Variants in GLT1D1 observed in about 807,000 individuals in gnomAD.
The protein encoded by GLT1D1 is glycosyltransferase 1 domain-containing protein 1.
In GLT1D1, 21 loss-of-function variants were observed where a neutral mutation model predicts 28.7. That is an observed-to-expected ratio of 0.73 (90% CI 0.52 to 1.05). The LOEUF (loss-of-function observed/expected upper bound fraction) is 1.05. Among genes scored for constraint, GLT1D1 ranks in the 50% least tolerant of loss-of-function variants. The pLI is 0.00. For synonymous variants in GLT1D1, 147 were observed against 124.8 expected (o/e 1.18, Z -1.19); for missense variants, 343 against 330.6 (o/e 1.04, Z -0.29).
Position 128,930,381 on chromosome 12 carries a change from G to T in GLT1D1, c.376-14945G>T, listed in dbSNP as rs950902653. On this transcript the variant is annotated intron_variant, in intron 4 of 7. Coordinates refer to ENST00000281703, the MANE Select transcript of GLT1D1 (RefSeq NM_144669.3). ...TCTTTTTCATTGTTTTCATTCTGAT[G>T]ATCACATCTCAGGTACAGTGCTTGA... 6 of 152,192 alleles carry T rather than the reference G, an allele frequency of 3.9e-5. No homozygotes were observed. In the East Asian group the frequency reaches 9.6e-4, roughly 24 times the overall value. The allele number at this position is 152,192 out of a possible 1,614,324, so 9.4% of individuals were successfully genotyped here.
chr12:128,928,965 T>C (rs1484180831), intron 4 of GLT1D1, among the ~76,000 whole-genome samples: 3 of 151,984 alleles, frequency 2.0e-5, no homozygotes, highest in Non-Finnish European at 2.9e-5. Context: ...ATGGCCTGAG[T>C]GTGTGCATCC....
At chr12:128,957,496 G>A (rs769438290) in intron 6 of GLT1D1, 49 bp from the exon 11 acceptor site, 5 of 1,289,012 alleles carry the variant, frequency 3.9e-6, no homozygotes, top group Non-Finnish European at 4.5e-6. Flanking sequence ...TTGCCGCAGA[G>A]GCTCTTGAAA....
chr12:128,961,006 A>G (rs1877887487), intron 7 of GLT1D1, among the ~76,000 whole-genome samples: 1 of 152,220 alleles, frequency 6.6e-6, no homozygotes, highest in Non-Finnish European at 1.5e-5. Flanking sequence ...GTTAGATTGT[A>G]TGTTTAATAC....
At chr12:128,904,992 CT>C (rs1462474831) in intron 4 of GLT1D1, among the ~76,000 whole-genome samples, 12 of 152,158 alleles carry the variant, frequency 7.9e-5, no homozygotes, top group Admixed American at 2.0e-4. Context: ...TGGTCTCGAA[CT>C]CCTGACCTCA....
Position 128,899,303 on chromosome 12 carries a change from GTGT to G in GLT1D1, c.375+21_375+23del, listed in dbSNP as rs151212606. The G allele has an allele frequency of 0.064, 102,876 of 1,607,752 alleles. 3,613 individuals are homozygous for G. Among genetic ancestry groups the G allele is most frequent in the Middle Eastern group, 0.071 (429 of 6,046 alleles). Reference sequence around the variant, plus strand: ...AGCGCAGTGGGTATGTGTTTATCTGGTGTTGTTATTTTGGTTGTGCTGATGAAA... The same window carrying G: ...AGCGCAGTGGGTATGTGTTTATCTGGTGTTATTTTGGTTGTGCTGATGAAA... On this transcript the variant is annotated intron_variant, in intron 4 of 7. Transcript: ENST00000281703.
chr12:128,904,430 A>G lies in GLT1D1; in HGVS notation c.375+5143A>G, dbSNP rs955206683. ...CAGTTTGGAAGAAATCAAGGAATAGAATTTGGAGGGGGAAAAAGAGAGGAA... is the reference window on the plus strand; with the variant it reads ...CAGTTTGGAAGAAATCAAGGAATAGGATTTGGAGGGGGAAAAAGAGAGGAA... On this transcript the variant is annotated intron_variant, in intron 4 of 7. Coordinates refer to ENST00000281703, the MANE Select transcript of GLT1D1 (RefSeq NM_144669.3). Among the ~76,000 whole-genome samples the G allele has an allele frequency of 2.2e-4, 33 of 151,568 alleles. 2 individuals carry two copies. The highest frequency in any genetic ancestry group is 8.1e-4 in the African/African-American group (33 of 40,924).
rs74381786 is a variant in GLT1D1 at position 128,918,595 on chromosome 12, G to A, written c.375+19308G>A. 7.9e-4 allele frequency among the ~76,000 whole-genome samples: 121 copies of A among 152,220 alleles called. No individual in the cohort carries two copies. In the East Asian group the frequency reaches 0.02, roughly 25 times the overall value. ...AAGCATTTTATCAGAAATAATTTTC[G>A]TAGTGTATTCATCAATCTCAGCCAC... On this transcript the variant is annotated intron_variant, in intron 4 of 7. Transcript: ENST00000281703.
intron 1 of GLT1D1, among the ~76,000 whole-genome samples, chr12:128,862,962 G>A (rs1346530323): frequency 6.6e-6 from 1 of 152,182 alleles, no homozygotes; most frequent in Non-Finnish European, 1.5e-5. Context: ...TCTGAATAGA[G>A]CCGACCTAGT....
chr12:128,887,938 G>C (rs1868582415), intron 2 of GLT1D1, among the ~76,000 whole-genome samples: 1 of 152,096 alleles, frequency 6.6e-6, no homozygotes, highest in Non-Finnish European at 1.5e-5. Flanking sequence ...CATTCAGCCT[G>C]AGATGGGCAG....
chr12:128,968,408 C>T (rs1442848290), intron 7 of GLT1D1, among the ~76,000 whole-genome samples: 3 of 151,782 alleles, frequency 2.0e-5, no homozygotes, highest in East Asian at 2.0e-4. Flanking sequence ...CAGTGGCTCA[C>T]GCCTGTCATC....
chr12:128,903,592 C>T (rs890514160), intron 4 of GLT1D1, among the ~76,000 whole-genome samples: 40 of 151,626 alleles, frequency 2.6e-4, no homozygotes, highest in Non-Finnish European at 5.3e-4. Flanking sequence ...AAGTGGTGAG[C>T]TTCTTGAGAA....
intron 4 of GLT1D1, among the ~76,000 whole-genome samples, chr12:128,939,837 A>ACC (rs34870104): frequency 0.26 from 25,087 of 97,194 alleles, 4,821 homozygotes; most frequent in Non-Finnish European, 0.33. Flanking sequence ...ATTGTTAGAA[A>ACC]CCCCCCCCCA....
At position 128,901,282 on chromosome 12, in the gene GLT1D1, T is replaced by C. The variant is rs534743632; in HGVS notation, c.375+1995T>C. On this transcript the variant is annotated intron_variant, in intron 4 of 7. Transcript: ENST00000281703. ...TTTCAAATATTAACTTTTGAATACA[T>C]GTTGTTATTTTTTTTTTAGTAGAGA... is the stretch of plus-strand genomic sequence containing the variant. Among the ~76,000 whole-genome samples the C allele has an allele frequency of 1.4e-3, 215 of 152,196 alleles. 1 individual carries two copies. The highest frequency in any genetic ancestry group is 2.3e-3 in the Admixed American group (35 of 15,296).
intron 2 of GLT1D1, among the ~76,000 whole-genome samples, chr12:128,884,239 G>A (rs113260276): frequency 0.018 from 2,789 of 152,260 alleles, 37 homozygotes; most frequent in Non-Finnish European, 0.028. Context: ...ATATTCTGTC[G>A]TTTGTAACAA....
In GLT1D1 at chr12:128,983,290, G is replaced by A. The variant is rs1026142050; in HGVS notation, c.*200G>A. ...TGTGCGTTCAGATGCTGTCCCAGGCGTGTTCACCAGCCAGTCCTGATGGAG... is the reference window on the plus strand; with the variant it reads ...TGTGCGTTCAGATGCTGTCCCAGGCATGTTCACCAGCCAGTCCTGATGGAG... On this transcript the variant is annotated 3_prime_UTR_variant, in exon 8 of 8. Coordinates refer to ENST00000281703, the MANE Select transcript of GLT1D1 (RefSeq NM_144669.3). This position sits in a 1 kb window ranked among gnomAD's most constrained non-coding sequence, Gnocchi z 4.7. The A allele has an allele frequency of 1.8e-6, 1 of 557,716 alleles. No homozygotes were observed. The highest frequency in any genetic ancestry group is 1.9e-5 in the African/African-American group (1 of 53,382). 34.5% of individuals were successfully genotyped at this position (557,716 alleles called of 1,614,324 possible).
intron 1 of GLT1D1, among the ~76,000 whole-genome samples, chr12:128,874,112 C>CTTCCTTTCTTTCTT (rs1297129528): frequency 1.0e-4 from 6 of 57,808 alleles, no homozygotes; most frequent in African/African-American, 5.1e-4. Flanking sequence ...CTCTCTCTCT[C>CTTCCTTTCTTTCTT]TCTCTCTCTC....
intron 7 of GLT1D1, among the ~76,000 whole-genome samples, chr12:128,959,851 A>G: frequency 7.2e-6 from 1 of 138,436 alleles, no homozygotes; most frequent in South Asian, 2.1e-4. Flanking sequence ...CATCTCCCAA[A>G]AGGCAACGTC....
intron 2 of GLT1D1, among the ~76,000 whole-genome samples, chr12:128,878,036 A>T (rs1490411589): frequency 6.6e-6 from 1 of 152,244 alleles, no homozygotes; most frequent in Non-Finnish European, 1.5e-5. Context: ...AAAGAAAAGC[A>T]AGTTGGAATT....
At chr12:128,887,863 G>T (rs1392822349) in intron 2 of GLT1D1, among the ~76,000 whole-genome samples, 1 of 152,160 alleles carries the variant, frequency 6.6e-6, no homozygotes, top group Admixed American at 6.5e-5. Context: ...GTAGGCCATA[G>T]TCTCTCTGAA....
Sources: allele counts gnomAD v4.1 joint callset (sites outside exome capture counted in the v4.1 genomes callset), GRCh38; gene constraint gnomAD v4.1.1; non-coding constraint Gnocchi (gnomAD v3.1); transcripts MANE v1.5; gene names NCBI Gene and HGNC (gene_info 2026-07-23, HGNC 2026-07-21).